The following KNCN variants were observed in gnomAD, a reference collection of about 807,000 sequenced individuals.
KNCN encodes the protein kinocilin.
In KNCN, 11 loss-of-function variants were observed where a neutral mutation model predicts 10.4. The ratio of observed to expected loss-of-function variants is 1.06; its 90% CI spans 0.67 to 1.75. The LOEUF (loss-of-function observed/expected upper bound fraction) is 1.75. KNCN is among the 40% of genes most tolerant of loss of function. The pLI, the probability that KNCN is intolerant of heterozygous loss-of-function variation, is 0.00. For synonymous variants in KNCN, 67 were observed against 71.6 expected (o/e 0.94, Z 0.33); for missense variants, 172 against 167.1 (o/e 1.03, Z -0.16).
Position 46,547,568 on chromosome 1 carries a change from G to A in KNCN, c.*162C>T, listed in dbSNP as rs957922190. ...ATCCATTTTGGAGAGGCTTGGCCGG[G>A]CGAGTGCAAAAGGCCCCATTCCAGA... On this transcript the variant is annotated 3_prime_UTR_variant, in exon 4 of 4. Transcript: ENST00000481882. 7.0e-6 allele frequency: 5 copies of A among 718,980 alleles called. No individual in the cohort carries two copies. Among genetic ancestry groups the A allele is most frequent in the Admixed American group, 2.0e-5 (1 of 49,972 alleles). 44.5% of individuals were successfully genotyped at this position (718,980 alleles called of 1,614,324 possible). A position where few individuals can be genotyped will look rare whatever the true frequency, so the allele number is the denominator to read the frequency against.
chr1:46,545,785 C>T lies in KNCN; in HGVS notation c.*1945G>A, dbSNP rs1484218436. On this transcript the variant is annotated 3_prime_UTR_variant, in exon 4 of 4. Transcript: ENST00000481882. Reference sequence around the variant, plus strand: ...TGGGCAGGGGGGAGGGAACCACACTCTCCACAGCTCAGTCTCCACATCCCC... The same window carrying T: ...TGGGCAGGGGGGAGGGAACCACACTTTCCACAGCTCAGTCTCCACATCCCC... 2 of 152,336 alleles carry T rather than the reference C, an allele frequency of 1.3e-5. No homozygotes were observed. The highest frequency in any genetic ancestry group is 4.8e-5 in the African/African-American group (2 of 41,420). 9.4% of individuals were successfully genotyped at this position (152,336 alleles called of 1,614,324 possible).
chr1:46,550,977 G>GC, intron 1 of KNCN, 88 bp downstream of exon 1: 2 of 1,275,360 alleles, frequency 1.6e-6, no homozygotes, highest in Non-Finnish European at 2.2e-6. Flanking sequence ...TGCTGACCCA[G>GC]CCCTTCCCTG....
At chr1:46,550,995 T>G (rs1442257267) in intron 1 of KNCN, 70 bp downstream of exon 1, 57 of 1,401,786 alleles carry the variant, frequency 4.1e-5, no homozygotes, top group Non-Finnish European at 5.4e-5. Context: ...CTGTTCCTTG[T>G]TCACCTGACG....
intron 1 of KNCN, 38 bp from the exon 2 acceptor site, chr1:46,550,040 G>T: frequency 7.1e-6 from 11 of 1,550,400 alleles, no homozygotes; most frequent in South Asian, 3.6e-5. Flanking sequence ...ATGGGGAGGA[G>T]CCTGGTGAGT....
intron 2 of KNCN, chr1:46,549,615 C>A: frequency 1.8e-6 from 1 of 545,306 alleles, no homozygotes; most frequent in Non-Finnish European, 3.3e-6. Context: ...AATAGAGGGT[C>A]TTTCATGGGG....
Position 46,551,250 on chromosome 1 carries a change from C to T in KNCN, c.-35G>A, listed in dbSNP as rs369495274. ...CCCGGGGCACTGCCTCCAGCCGGTGCAGTCTGGCCCCAGAAAAGTCCTGGA... is the reference window on the plus strand; with the variant it reads ...CCCGGGGCACTGCCTCCAGCCGGTGTAGTCTGGCCCCAGAAAAGTCCTGGA... On this transcript the variant is annotated 5_prime_UTR_variant, in exon 1 of 4. Coordinates refer to ENST00000481882, the MANE Select transcript of KNCN (RefSeq NM_001322255.2). This position sits in a 1 kb window ranked among gnomAD's most constrained non-coding sequence, Gnocchi z 4.0. 2.0e-5 allele frequency: 32 copies of T among 1,574,050 alleles called. No individual in the cohort carries two copies. The African/African-American group carries it at 3.2e-4, about 16-fold the overall frequency.
At chr1:46,549,826 C>T (rs114976568) in intron 2 of KNCN, 108 bp downstream of exon 2, 18,887 of 1,538,874 alleles carry the variant, frequency 0.012, 161 homozygotes, top group Non-Finnish European at 0.015. Flanking sequence ...CTAGCGCGGT[C>T]TCACACATGG....
At chr1:46,549,165 G>C in intron 3 of KNCN, 28 bp downstream of exon 3, 1 of 1,395,078 alleles carries the variant, frequency 7.2e-7, no homozygotes, top group Admixed American at 2.2e-5. Context: ...AAAAAAGAAG[G>C]ATGGACTCGG....
intron 1 of KNCN, among the ~76,000 whole-genome samples, chr1:46,550,492 A>T (rs970096566): frequency 7.2e-6 from 1 of 139,024 alleles, no homozygotes; most frequent in Non-Finnish European, 1.6e-5. Flanking sequence ...AAAGCCCCCT[A>T]GCCTGATGCT....
At chr1:46,550,823 C>T (rs1667051037) in intron 1 of KNCN, among the ~76,000 whole-genome samples, 1 of 152,138 alleles carries the variant, frequency 6.6e-6, no homozygotes, top group Non-Finnish European at 1.5e-5. Flanking sequence ...GTGGGAGTAG[C>T]CAGAAAAGAG....
rs1420636573 is a variant in KNCN at position 46,550,016 on chromosome 1, CAG to C, written c.152-16_152-15del. On this transcript the variant is annotated splice_polypyrimidine_tract_variant and intron_variant, in intron 1 of 3. Coordinates refer to ENST00000481882, the MANE Select transcript of KNCN (RefSeq NM_001322255.2). Reference sequence around the variant, plus strand: ...AGATGAGGAGCCCTGAGAAGAGACACAGGGGGTTCTGTGATGGGGAGGAGCCT... The same window carrying C: ...AGATGAGGAGCCCTGAGAAGAGACACGGGGTTCTGTGATGGGGAGGAGCCT... 16 of 1,550,620 alleles carry C rather than the reference CAG, an allele frequency of 1.0e-5. No homozygotes were observed. The African/African-American group carries it at 1.5e-4, about 15-fold the overall frequency.
chr1:46,550,718 C>G (rs1028134546), intron 1 of KNCN, among the ~76,000 whole-genome samples: 2 of 152,138 alleles, frequency 1.3e-5, no homozygotes, highest in African/African-American at 4.8e-5. Flanking sequence ...GAGCTCTGTC[C>G]TTTTACCTGC....
rs1666927688 is a variant in KNCN, at chr1:46,545,813, T to G, written c.*1917A>C. The G allele has an allele frequency of 6.6e-6, 1 of 152,298 alleles. No homozygotes were observed. The highest frequency in any genetic ancestry group is 1.5e-5 in the Non-Finnish European group (1 of 68,204). 9.4% of individuals were successfully genotyped at this position (152,298 alleles called of 1,614,324 possible). A position where few individuals can be genotyped will look rare whatever the true frequency, so the allele number is the denominator to read the frequency against. On this transcript the variant is annotated 3_prime_UTR_variant, in exon 4 of 4. Transcript: ENST00000481882. ...CACAGCTCAGTCTCCACATCCCCCA[T>G]TCCCACCCCCTCCACCCTGGGGCAT...
chr1:46,550,246 C>T (rs899622322), intron 1 of KNCN, among the ~76,000 whole-genome samples: 14 of 152,134 alleles, frequency 9.2e-5, no homozygotes, highest in Non-Finnish European at 4.4e-5. Context: ...TGCCTGGCTC[C>T]ACCGTTCCTA....
Position 46,551,360 on chromosome 1 carries a change from C to A in KNCN, c.-145G>T. 2.3e-6 allele frequency: 2 copies of A among 851,102 alleles called. No individual in the cohort carries two copies. The highest frequency in any genetic ancestry group is 3.5e-4 in the Middle Eastern group (1 of 2,878). The allele number at this position is 851,102 out of a possible 1,614,324, so 52.7% of individuals were successfully genotyped here. On this transcript the variant is annotated 5_prime_UTR_variant, in exon 1 of 4. Coordinates refer to ENST00000481882, the MANE Select transcript of KNCN (RefSeq NM_001322255.2). This position sits in a 1 kb window ranked among gnomAD's most constrained non-coding sequence, Gnocchi z 4.0. ...GGGCAGTAAGATGATAGGTGGGGAA[C>A]CCTGGGATTTATCTGCAGTCCTATT...
rs145919585 is a variant in KNCN, at chr1:46,550,166, G to T, written c.152-164C>A. ...TGAGTGTGTAAATGTGAGCCTGTGGGTGTGTGCATCTGGGTTGGTGGGGGC... is the reference window on the plus strand; with the variant it reads ...TGAGTGTGTAAATGTGAGCCTGTGGTTGTGTGCATCTGGGTTGGTGGGGGC... On this transcript the variant is annotated intron_variant, in intron 1 of 3. Transcript: ENST00000481882. 4.9e-3 allele frequency among the ~76,000 whole-genome samples: 742 copies of T among 152,264 alleles called. 8 individuals are homozygous for T. The highest frequency in any genetic ancestry group is 0.03 in the South Asian group (144 of 4,832).
intron 2 of KNCN, 137 bp downstream of exon 2, chr1:46,549,797 G>A: frequency 6.9e-7 from 1 of 1,455,044 alleles, no homozygotes; most frequent in Non-Finnish European, 9.3e-7. Context: ...CACACACACA[G>A]CAGCTCTAAC....
chr1:46,550,098 A>G (rs1166074886), intron 1 of KNCN, 96 bp from the exon 2 acceptor site: 6 of 1,542,622 alleles, frequency 3.9e-6, no homozygotes, highest in Non-Finnish European at 5.3e-6. Context: ...TTTGTGAGAT[A>G]TGGGTGTGCA....
At position 46,547,651 on chromosome 1, in the gene KNCN, C is replaced by T. The variant is rs1050373173; in HGVS notation, c.*79G>A. 1.2e-5 allele frequency: 14 copies of T among 1,162,700 alleles called. No individual in the cohort carries two copies. The highest frequency in any genetic ancestry group is 1.1e-5 in the Non-Finnish European group (9 of 792,794). The allele number at this position is 1,162,700 out of a possible 1,614,324, so 72.0% of individuals were successfully genotyped here. A position where few individuals can be genotyped will look rare whatever the true frequency, so the allele number is the denominator to read the frequency against. ...CCTGGCTTGTCTCCGGTCCGGGTCT[C>T]CTAACCCAGGAGGGCACTGACATAG... On this transcript the variant is annotated 3_prime_UTR_variant, in exon 4 of 4. Transcript: ENST00000481882.
Sources: allele counts gnomAD v4.1 joint callset (sites outside exome capture counted in the v4.1 genomes callset), GRCh38; gene constraint gnomAD v4.1.1; non-coding constraint Gnocchi (gnomAD v3.1); transcripts MANE v1.5; gene names NCBI Gene and HGNC (gene_info 2026-07-23, HGNC 2026-07-21).